IPO11: variants seen among roughly 807,000 people sequenced by gnomAD.
IPO11 encodes the protein importin 11, also known as importin-11.
A neutral mutation model predicts 143.2 loss-of-function variants in IPO11; 66 were observed. The ratio of observed to expected loss-of-function variants is 0.46; its 90% CI spans 0.38 to 0.57. The LOEUF (loss-of-function observed/expected upper bound fraction) is 0.57. Among genes scored for constraint, IPO11 ranks in the 20% least tolerant of loss-of-function variants. The probability of loss-of-function intolerance (pLI) is 0.00; values close to 1 mark genes in which losing one functional copy is unlikely to be tolerated. For missense variants in IPO11, 1,026 were observed against 1,141.0 expected, an observed-to-expected ratio of 0.90 and a Z score of 1.45; for synonymous variants, 385 against 377.8, an observed-to-expected ratio of 1.02 and a Z score of -0.22.
intron 5 of IPO11, among the ~76,000 whole-genome samples, chr5:62,466,291 A>G (rs1745572470): frequency 6.6e-6 from 1 of 152,200 alleles, no homozygotes; most frequent in Non-Finnish European, 1.5e-5. Flanking sequence ...ACTTAAACTA[A>G]CAAATGGAAA....
intron 29 of IPO11, among the ~76,000 whole-genome samples, chr5:62,610,429 A>G (rs1352905436): frequency 1.3e-5 from 2 of 152,122 alleles, no homozygotes; most frequent in Non-Finnish European, 2.9e-5. Flanking sequence ...TGAGAAGGCA[A>G]TTTTACTATT....
At chr5:62,435,182 A>ATATATATGTATATATATG (rs1744165374) in intron 1 of IPO11, among the ~76,000 whole-genome samples, 1 of 101,060 alleles carries the variant, frequency 9.9e-6, no homozygotes, top group Non-Finnish European at 1.9e-5. Context: ...GTATATATGT[A>ATATATATGTATATATATG]TATATATGTA....
intron 26 of IPO11, among the ~76,000 whole-genome samples, chr5:62,560,250 G>A (rs1407129644): frequency 6.6e-6 from 1 of 152,160 alleles, no homozygotes; most frequent in East Asian, 1.9e-4. Flanking sequence ...TAGCATTCAA[G>A]ATGGAGTCAT....
intron 27 of IPO11, among the ~76,000 whole-genome samples, chr5:62,576,832 G>A (rs1744331909): frequency 6.6e-6 from 1 of 152,202 alleles, no homozygotes; most frequent in South Asian, 2.1e-4. Context: ...AAGAGCTAAT[G>A]GAACAATTGC....
chr5:62,556,961 T>A (rs886687771), intron 26 of IPO11, among the ~76,000 whole-genome samples: 1 of 152,204 alleles, frequency 6.6e-6, no homozygotes, highest in East Asian at 1.9e-4. Flanking sequence ...AAACTTCTAC[T>A]TGATGAGGGC....
chr5:62,544,847 G>A (rs1048167263), intron 24 of IPO11, among the ~76,000 whole-genome samples: 101 of 152,162 alleles, frequency 6.6e-4, no homozygotes, highest in African/African-American at 2.3e-3. Context: ...CCCATTCACA[G>A]TTGCTTCAAA....
At chr5:62,503,067 C>T (rs1478440226) in intron 16 of IPO11, among the ~76,000 whole-genome samples, 5 of 152,108 alleles carry the variant, frequency 3.3e-5, no homozygotes, top group Middle Eastern at 3.4e-3. Flanking sequence ...TCAAGTGATC[C>T]GCCTGCCTCC....
chr5:62,476,425 T>C (rs1480036811), intron 8 of IPO11, among the ~76,000 whole-genome samples: 1 of 152,228 alleles, frequency 6.6e-6, no homozygotes, highest in Non-Finnish European at 1.5e-5. Context: ...ATGTTATCCA[T>C]GATTCATTGC....
intron 5 of IPO11, among the ~76,000 whole-genome samples, chr5:62,464,271 G>C (rs1327668557): frequency 6.7e-6 from 1 of 149,630 alleles, no homozygotes; most frequent in Non-Finnish European, 1.5e-5. Context: ...CTCCCGAGTA[G>C]CTGGGACTAC....
At chr5:62,537,328 T>C (rs1300432951) in intron 24 of IPO11, 39 bp downstream of exon 24, 1 of 1,265,206 alleles carries the variant, frequency 7.9e-7, no homozygotes. Context: ...TTATGAATTT[T>C]TCATTTATAT....
chr5:62,503,575 C>G (rs937030256), intron 16 of IPO11, among the ~76,000 whole-genome samples: 1 of 152,020 alleles, frequency 6.6e-6, no homozygotes, highest in African/African-American at 2.4e-5. Flanking sequence ...GTTTTTGATG[C>G]AGTACCTGAC....
At chr5:62,429,375 C>T (rs1440345564) in intron 1 of IPO11, among the ~76,000 whole-genome samples, 1 of 152,066 alleles carries the variant, frequency 6.6e-6, no homozygotes, top group Non-Finnish European at 1.5e-5. Flanking sequence ...AATAATACTT[C>T]ATTGTATGGA....
At chr5:62,549,220 A>G (rs796211462) in intron 24 of IPO11, among the ~76,000 whole-genome samples, 130 of 152,306 alleles carry the variant, frequency 8.5e-4, no homozygotes, top group African/African-American at 2.9e-3. Flanking sequence ...GTAGTAGCAT[A>G]CATAGTGCTT....
chr5:62,486,050 G>A (rs534644469), intron 12 of IPO11, among the ~76,000 whole-genome samples: 2 of 145,928 alleles, frequency 1.4e-5, no homozygotes, highest in South Asian at 2.1e-4. Flanking sequence ...GGTGCATCTC[G>A]GCTCACTGCA....
chr5:62,538,451 G>T (rs957272165), intron 24 of IPO11, among the ~76,000 whole-genome samples: 2 of 152,132 alleles, frequency 1.3e-5, no homozygotes, highest in African/African-American at 2.4e-5. Context: ...GAATCCTGGG[G>T]ATGGTTTTCC....
chr5:62,574,979 A>G (rs192096233), intron 27 of IPO11, among the ~76,000 whole-genome samples: 2 of 152,322 alleles, frequency 1.3e-5, no homozygotes, highest in East Asian at 3.9e-4. Context: ...TCATAAATAG[A>G]TTTGCAGCTA....
chr5:62,440,577 T>C (rs564510051), intron 2 of IPO11, among the ~76,000 whole-genome samples: 158 of 151,986 alleles, frequency 1.0e-3, no homozygotes, highest in African/African-American at 3.6e-3. Context: ...GGCTGGTCTC[T>C]AACTCCTGAC....
intron 24 of IPO11, among the ~76,000 whole-genome samples, chr5:62,537,636 C>T (rs1364995362): frequency 1.3e-5 from 2 of 152,098 alleles, no homozygotes; most frequent in Non-Finnish European, 2.9e-5. Context: ...ATATCTGATA[C>T]TTCTTATTCT....
intron 27 of IPO11, among the ~76,000 whole-genome samples, chr5:62,587,791 C>T (rs1322362447): frequency 3.9e-5 from 6 of 152,106 alleles, no homozygotes; most frequent in Admixed American, 3.9e-4. Context: ...ACTATTATGC[C>T]TCCATGTTAC....
Sources: allele counts gnomAD v4.1 joint callset (sites outside exome capture counted in the v4.1 genomes callset), GRCh38; gene constraint gnomAD v4.1.1; transcripts MANE v1.5; gene names NCBI Gene and HGNC (gene_info 2026-07-23, HGNC 2026-07-21).